Variants in DOCK3 observed in about 807,000 individuals in gnomAD.
DOCK3 encodes the protein dedicator of cytokinesis protein 3.
In DOCK3, 60 loss-of-function variants were observed where a neutral mutation model predicts 265.6. That is an observed-to-expected ratio of 0.23 (90% confidence interval 0.18 to 0.28). DOCK3 has a LOEUF of 0.28. Among genes scored for constraint, DOCK3 ranks in the 10% least tolerant of loss-of-function variants. The probability of loss-of-function intolerance (pLI) is 1.00; values close to 1 mark genes in which losing one functional copy is unlikely to be tolerated. For synonymous variants in DOCK3, 881 were observed against 938.0 expected (o/e 0.94, Z 1.11); for missense variants, 1,981 against 2,594.3 (o/e 0.76, Z 5.14).
chr3:51,139,258 G>GA (rs894769793), intron 9 of DOCK3, among the ~76,000 whole-genome samples: 5 of 150,244 alleles, frequency 3.3e-5, no homozygotes, highest in African/African-American at 1.0e-4. Flanking sequence ...CTGCAGTGGG[G>GA]GGAGGGCTAA....
At chr3:50,793,072 A>C (rs139794246) in intron 2 of DOCK3, among the ~76,000 whole-genome samples, 1 of 152,282 alleles carries the variant, frequency 6.6e-6, no homozygotes, top group Non-Finnish European at 1.5e-5. Flanking sequence ...GTTTATTAAA[A>C]TTTAGTTTCA....
chr3:50,872,745 A>G (rs571772712), intron 3 of DOCK3, among the ~76,000 whole-genome samples: 1 of 152,326 alleles, frequency 6.6e-6, no homozygotes, highest in African/African-American at 2.4e-5. Context: ...GCTGGCACCA[A>G]AACCACAAGA....
At position 51,318,509 on chromosome 3, in the gene DOCK3, A is replaced by G. The variant is rs558147416; in HGVS notation, c.3402+3381A>G. Among the ~76,000 whole-genome samples the G allele has an allele frequency of 2.0e-5, 3 of 152,276 alleles. No homozygotes were observed. In the East Asian group the frequency reaches 5.8e-4, roughly 29 times the overall value. On this transcript the variant is annotated intron_variant, in intron 32 of 52. Transcript: ENST00000266037. The stretch of plus-strand genomic sequence containing the variant: ...TGTTTTGTATACAGATCTTACACAT[A>G]TATTATTAGATTTATATGTATTTCC...
chr3:51,321,556 T>C (rs1576793429), intron 32 of DOCK3, among the ~76,000 whole-genome samples: 1 of 152,226 alleles, frequency 6.6e-6, no homozygotes, highest in East Asian at 1.9e-4. Flanking sequence ...TGTTCTAACC[T>C]AATGCAAGGA....
chr3:51,309,201 C>T (rs1407019084), intron 27 of DOCK3, among the ~76,000 whole-genome samples: 1 of 152,198 alleles, frequency 6.6e-6, no homozygotes, highest in African/African-American at 2.4e-5. Context: ...GCAGAGGCTG[C>T]AATCTCGGCA....
At chr3:50,745,263 C>A (rs908716114) in intron 1 of DOCK3, among the ~76,000 whole-genome samples, 1 of 152,040 alleles carries the variant, frequency 6.6e-6, no homozygotes, top group Non-Finnish European at 1.5e-5. Context: ...CAAGGCTGAT[C>A]TCGAACTCCC....
intron 1 of DOCK3, among the ~76,000 whole-genome samples, chr3:50,729,826 T>TC (rs2038081674): frequency 9.4e-6 from 1 of 106,624 alleles, no homozygotes; most frequent in African/African-American, 5.2e-5. Context: ...TGAATTTCAT[T>TC]TTTTTTTTTT....
chr3:51,035,932 A>T (rs1173865860), intron 5 of DOCK3, among the ~76,000 whole-genome samples: 1 of 151,936 alleles, frequency 6.6e-6, no homozygotes, highest in African/African-American at 2.4e-5. Flanking sequence ...CCTTTTTAGT[A>T]TTTTTTCTCC....
intron 27 of DOCK3, among the ~76,000 whole-genome samples, chr3:51,307,880 TTTTTTTTTTTG>T: frequency 7.4e-6 from 1 of 135,754 alleles, no homozygotes; most frequent in Non-Finnish European, 1.6e-5. Flanking sequence ...ATTATATGGG[TTTTTTTTTTTG>T]TTTTTTTTTT....
At chr3:51,000,726 C>T (rs934511623) in intron 5 of DOCK3, among the ~76,000 whole-genome samples, 2 of 152,092 alleles carry the variant, frequency 1.3e-5, no homozygotes, top group Admixed American at 6.5e-5. Context: ...GATCTTGGCT[C>T]ACTGCAACCT....
At chr3:51,373,654 T>A (rs543508987) in intron 49 of DOCK3, among the ~76,000 whole-genome samples, 118 of 152,282 alleles carry the variant, frequency 7.7e-4, no homozygotes, top group Non-Finnish European at 1.4e-3. Context: ...GTGGCCTCCA[T>A]AACAGTCCCT....
At chr3:50,772,673 G>T (rs2041347813) in intron 1 of DOCK3, among the ~76,000 whole-genome samples, 1 of 152,082 alleles carries the variant, frequency 6.6e-6, no homozygotes, top group South Asian at 2.1e-4. Flanking sequence ...AAGAAATCAA[G>T]AAAACAATCT....
chr3:51,106,194 C>T (rs868096485), intron 9 of DOCK3, among the ~76,000 whole-genome samples: 2 of 152,210 alleles, frequency 1.3e-5, no homozygotes, highest in African/African-American at 2.4e-5. Flanking sequence ...GAGATAGAGC[C>T]GGGTCAGACC....
At chr3:51,248,752 G>A (rs1006768206) in intron 22 of DOCK3, among the ~76,000 whole-genome samples, 6 of 150,764 alleles carry the variant, frequency 4.0e-5, no homozygotes, top group Non-Finnish European at 3.0e-5. Context: ...AGTGAGGAGC[G>A]CCTCTTCCCG....
chr3:51,252,290 T>C (rs567512581), intron 22 of DOCK3, among the ~76,000 whole-genome samples: 35 of 152,334 alleles, frequency 2.3e-4, no homozygotes, highest in African/African-American at 8.4e-4. Flanking sequence ...TGAAGTCAGG[T>C]AGCGTGATGC....
intron 19 of DOCK3, among the ~76,000 whole-genome samples, chr3:51,233,316 TTCTATCTA>T (rs71084135): frequency 0.029 from 2,017 of 70,410 alleles, 24 homozygotes; most frequent in Non-Finnish European, 0.077. Context: ...TATTCTTTCT[TTCTATCTA>T]TCTATCTATC....
chr3:50,973,243 T>G (rs1157393319), intron 5 of DOCK3, among the ~76,000 whole-genome samples: 1 of 150,728 alleles, frequency 6.6e-6, no homozygotes, highest in Admixed American at 6.6e-5. Flanking sequence ...ACCCACTAAC[T>G]CGTCATCTAG....
At chr3:51,310,854 C>T (rs2083031913) in intron 28 of DOCK3, among the ~76,000 whole-genome samples, 2 of 152,214 alleles carry the variant, frequency 1.3e-5, no homozygotes, top group Admixed American at 6.5e-5. Context: ...GCTGGCTCAT[C>T]TGGTCTCTCT....
At chr3:51,300,196 T>C (rs2082299946) in intron 27 of DOCK3, among the ~76,000 whole-genome samples, 1 of 152,232 alleles carries the variant, frequency 6.6e-6, no homozygotes, top group African/African-American at 2.4e-5. Context: ...AGTTCATTCA[T>C]GATTTGGCTC....
Sources: allele counts gnomAD v4.1 joint callset (sites outside exome capture counted in the v4.1 genomes callset), GRCh38; gene constraint gnomAD v4.1.1; transcripts MANE v1.5; gene names NCBI Gene and HGNC (gene_info 2026-07-23, HGNC 2026-07-21).